Variants in SND1 observed in about 807,000 individuals in gnomAD.
SND1 encodes staphylococcal nuclease domain-containing protein 1.
A neutral mutation model predicts 121.7 loss-of-function variants in SND1; 38 were observed. That is an observed-to-expected ratio of 0.31 (90% CI 0.24 to 0.41). SND1 has a LOEUF of 0.41. SND1 is among the 10% of genes least tolerant of loss of function. The pLI, the probability that SND1 is intolerant of heterozygous loss-of-function variation, is 1.00. For missense variants in SND1, 868 were observed against 1,184.6 expected (o/e 0.73, Z 3.92); for synonymous variants, 401 against 447.4 (o/e 0.90, Z 1.31).
intron 11 of SND1, among the ~76,000 whole-genome samples, chr7:127,834,029 C>T (rs573703852): frequency 6.6e-6 from 1 of 152,072 alleles, no homozygotes; most frequent in South Asian, 2.1e-4. Flanking sequence ...TGAGAATTTC[C>T]TTCCTTTTTA....
chr7:127,852,442 C>T lies in SND1; in HGVS notation c.1343+8018C>T, dbSNP rs146576169. Among the ~76,000 whole-genome samples, 531 of 148,934 alleles carry T rather than the reference C, an allele frequency of 3.6e-3. 1 individual carries two copies. The highest frequency in any genetic ancestry group is 0.012 in the African/African-American group (476 of 40,392). Reference sequence around the variant, plus strand: ...GGCAGAAGTTGCTGTGAGCCAAGATCGCACCACTGTACTCCATCCAGCCTG... The same window carrying T: ...GGCAGAAGTTGCTGTGAGCCAAGATTGCACCACTGTACTCCATCCAGCCTG... On this transcript the variant is annotated intron_variant, in intron 12 of 23. Coordinates refer to ENST00000354725, the MANE Select transcript of SND1 (RefSeq NM_014390.4).
chr7:127,737,873 T>C (rs1178847714), intron 10 of SND1, among the ~76,000 whole-genome samples: 1 of 152,224 alleles, frequency 6.6e-6, no homozygotes, highest in Non-Finnish European at 1.5e-5. Context: ...GCATCTCAAA[T>C]ACACTTTAAG....
rs568626124 is a variant in SND1 at position 127,672,958 on chromosome 7, T to C, written c.79-13655T>C. Among the ~76,000 whole-genome samples, 5 of 152,182 alleles carry C rather than the reference T, an allele frequency of 3.3e-5. No individual in the cohort carries two copies. In the East Asian group the frequency reaches 9.7e-4, roughly 29 times the overall value. The stretch of plus-strand genomic sequence containing the variant: ...CACCATGTCACTGTCACATTACTAG[T>C]GTTGATAACTGTAATTACTTGATTA... On this transcript the variant is annotated intron_variant, in intron 1 of 23. Coordinates refer to ENST00000354725, the MANE Select transcript of SND1 (RefSeq NM_014390.4).
chr7:128,084,683 A>G, intron 18 of SND1, 41 bp from the exon 19 acceptor site: 3 of 1,575,542 alleles, frequency 1.9e-6, no homozygotes, highest in Non-Finnish European at 2.6e-6. Context: ...CCGTCGAGGA[A>G]CCCAGCACCC....
In SND1 at chr7:127,953,032, T is replaced by C. The variant is rs1168063718; in HGVS notation, c.1669+23703T>C. On this transcript the variant is annotated intron_variant, in intron 15 of 23. Transcript: ENST00000354725. ...TTTAAAAATTAGCCAGACATGGTGG[T>C]GTGCACCTGTAGTACCAGCTACTTG... Among the ~76,000 whole-genome samples, 5 of 151,996 alleles carry C rather than the reference T, an allele frequency of 3.3e-5. No individual in the cohort carries two copies. In the East Asian group the frequency reaches 9.7e-4, roughly 29 times the overall value.
chr7:127,748,097 A>G (rs1320742775), intron 10 of SND1, among the ~76,000 whole-genome samples: 1 of 152,192 alleles, frequency 6.6e-6, no homozygotes, highest in Non-Finnish European at 1.5e-5. Context: ...CCCAGTGGAA[A>G]CACAAACTTG....
At chr7:127,947,312 T>G (rs1384905462) in intron 15 of SND1, among the ~76,000 whole-genome samples, 1 of 152,238 alleles carries the variant, frequency 6.6e-6, no homozygotes, top group African/African-American at 2.4e-5. Flanking sequence ...TCAGGATATT[T>G]GCATATTTGC....
intron 2 of SND1, among the ~76,000 whole-genome samples, chr7:127,693,030 C>A (rs995952411): frequency 3.9e-5 from 6 of 152,182 alleles, no homozygotes; most frequent in Admixed American, 2.0e-4. Context: ...CTTATCAGAG[C>A]TTTTCCAAGT....
intron 11 of SND1, among the ~76,000 whole-genome samples, chr7:127,817,069 A>T (rs1052103363): frequency 6.6e-6 from 1 of 152,166 alleles, no homozygotes; most frequent in African/African-American, 2.4e-5. Flanking sequence ...GAAAACACAC[A>T]TAGTTGTTGG....
At chr7:127,916,253 G>A (rs1343783137) in intron 14 of SND1, among the ~76,000 whole-genome samples, 1 of 152,036 alleles carries the variant, frequency 6.6e-6, no homozygotes, top group East Asian at 1.9e-4. Context: ...ATCTATTTTG[G>A]TATAAGAACT....
intron 12 of SND1, among the ~76,000 whole-genome samples, chr7:127,877,696 G>A (rs2116711122): frequency 6.6e-6 from 1 of 152,166 alleles, no homozygotes; most frequent in South Asian, 2.1e-4. Flanking sequence ...GCTTCCCAAA[G>A]TGCTAGGATT....
intron 10 of SND1, among the ~76,000 whole-genome samples, chr7:127,791,581 C>T (rs1797910790): frequency 6.6e-6 from 1 of 152,156 alleles, no homozygotes; most frequent in South Asian, 2.1e-4. Flanking sequence ...ACATTTTCGT[C>T]TTACACAACT....
At chr7:128,003,926 T>A (rs955336241) in intron 16 of SND1, among the ~76,000 whole-genome samples, 1 of 152,142 alleles carries the variant, frequency 6.6e-6, no homozygotes, top group Admixed American at 6.5e-5. Flanking sequence ...TTCATCAGCT[T>A]CCAGGGCTGC....
chr7:128,067,314 C>T (rs989427607), intron 16 of SND1, among the ~76,000 whole-genome samples: 2 of 152,172 alleles, frequency 1.3e-5, no homozygotes, highest in African/African-American at 2.4e-5. Flanking sequence ...CCATCCAGGC[C>T]GCTTGCTGTG....
chr7:127,763,825 G>A (rs1797354477), intron 10 of SND1, among the ~76,000 whole-genome samples: 1 of 151,976 alleles, frequency 6.6e-6, no homozygotes, highest in African/African-American at 2.4e-5. Context: ...CAGACATGGT[G>A]GCTAATGCCT....
Position 128,091,829 on chromosome 7 carries a change from C to T in SND1, c.2623-8C>T. ...CTGACCACTCCCTTTCTTCTCTCGT[C>T]CCTCCAGATCACAGAATACCTGAAT... On this transcript the variant is annotated splice_region_variant and splice_polypyrimidine_tract_variant and intron_variant, in intron 22 of 23. Coordinates refer to ENST00000354725, the MANE Select transcript of SND1 (RefSeq NM_014390.4). 6.2e-7 allele frequency: 1 copy of T among 1,614,154 alleles called. No individual in the cohort carries two copies. Among genetic ancestry groups the T allele is most frequent in the South Asian group, 1.1e-5 (1 of 91,078 alleles).
Position 128,067,119 on chromosome 7 carries a change from C to A in SND1, c.1780-7383C>A, listed in dbSNP as rs1793329919. Among the ~76,000 whole-genome samples, 3 of 152,248 alleles carry A rather than the reference C, an allele frequency of 2.0e-5. No individual in the cohort carries two copies. The South Asian group carries it at 6.2e-4, about 32-fold the overall frequency. On this transcript the variant is annotated intron_variant, in intron 16 of 23. Transcript: ENST00000354725. ...GCACAGTCTGTCAGCTTTGCTGCCC[C>A]CATTCTCTGACCTCAGAGAATGCAG...
At chr7:127,902,537 T>C (rs1475017905) in intron 13 of SND1, among the ~76,000 whole-genome samples, 1 of 151,762 alleles carries the variant, frequency 6.6e-6, no homozygotes, top group East Asian at 1.9e-4. Flanking sequence ...GGTGGAAGAG[T>C]TGGATTGTTA....
intron 14 of SND1, among the ~76,000 whole-genome samples, chr7:127,916,036 A>G (rs1465337530): frequency 6.9e-6 from 1 of 144,762 alleles, no homozygotes; most frequent in Admixed American, 7.1e-5. Context: ...GTGTGTGTTT[A>G]TGTGTGTATA....
Sources: allele counts gnomAD v4.1 joint callset (sites outside exome capture counted in the v4.1 genomes callset), GRCh38; gene constraint gnomAD v4.1.1; transcripts MANE v1.5; gene names NCBI Gene and HGNC (gene_info 2026-07-23, HGNC 2026-07-21).